The following TMCC1 variants were observed in gnomAD, a reference collection of about 807,000 sequenced individuals.
TMCC1 encodes transmembrane and coiled-coil domains protein 1.
In TMCC1, 15 loss-of-function variants were observed where a neutral mutation model predicts 52.4. The observed-to-expected ratio is 0.29, with a 90% CI of 0.19 to 0.44. The LOEUF (loss-of-function observed/expected upper bound fraction) is 0.44. Ranked by LOEUF, TMCC1 falls within the 20% of genes least tolerant of loss-of-function variation. The pLI, the probability that TMCC1 is intolerant of heterozygous loss-of-function variation, is 1.00. For synonymous variants in TMCC1, 279 were observed against 301.9 expected, an observed-to-expected ratio of 0.92 and a Z score of 0.79; for missense variants, 503 against 806.0, an observed-to-expected ratio of 0.62 and a Z score of 4.55.
In TMCC1 at chr3:129,662,170, G is replaced by A. The variant is rs550287878; in HGVS notation, c.1512-7067C>T. ...AAATAGAACTCTCCAGACACAAATC[G>A]GGGCAGAGGAGATGGTGGGTGGGTG... On this transcript the variant is annotated intron_variant, in intron 5 of 6. Coordinates refer to ENST00000393238, the MANE Select transcript of TMCC1 (RefSeq NM_001017395.5). Among the ~76,000 whole-genome samples, 65 of 152,058 alleles carry A rather than the reference G, an allele frequency of 4.3e-4. No individual in the cohort carries two copies. In the South Asian group the frequency reaches 8.7e-3, roughly 20 times the overall value.
chr3:129,796,111 C>T (rs1366580986), intron 4 of TMCC1, among the ~76,000 whole-genome samples: 1 of 152,108 alleles, frequency 6.6e-6, no homozygotes, highest in Admixed American at 6.6e-5. Flanking sequence ...ACAGTGGTCC[C>T]ATAAGATTAT....
chr3:129,729,657 C>T (rs2050387455), intron 4 of TMCC1, among the ~76,000 whole-genome samples: 1 of 151,604 alleles, frequency 6.6e-6, no homozygotes, highest in Admixed American at 6.6e-5. Context: ...AGAATCCCAT[C>T]GTAAAAAAAT....
intron 4 of TMCC1, among the ~76,000 whole-genome samples, chr3:129,676,183 C>T (rs2088432087): frequency 6.6e-6 from 1 of 152,072 alleles, no homozygotes; most frequent in African/African-American, 2.4e-5. Flanking sequence ...CTTTTTCTGA[C>T]CATATCCTGA....
chr3:129,736,656 G>C (rs2107626006), intron 4 of TMCC1, among the ~76,000 whole-genome samples: 1 of 151,780 alleles, frequency 6.6e-6, no homozygotes, highest in East Asian at 1.9e-4. Flanking sequence ...TGAGTAGCTG[G>C]GATCACAGGC....
chr3:129,756,204 T>C (rs1318062522), intron 4 of TMCC1, among the ~76,000 whole-genome samples: 6 of 152,158 alleles, frequency 3.9e-5, no homozygotes, highest in Admixed American at 6.5e-5. Flanking sequence ...CAAGCTCCTA[T>C]ATATTTATCC....
At chr3:129,846,492 T>C (rs1202229764) in intron 2 of TMCC1, among the ~76,000 whole-genome samples, 11 of 152,174 alleles carry the variant, frequency 7.2e-5, no homozygotes, top group Non-Finnish European at 1.6e-4. Flanking sequence ...TATTCAACAG[T>C]TCTATTCTTA....
At chr3:129,683,274 C>T (rs906505143) in intron 4 of TMCC1, among the ~76,000 whole-genome samples, 1 of 152,214 alleles carries the variant, frequency 6.6e-6, no homozygotes, top group Non-Finnish European at 1.5e-5. Flanking sequence ...CCTTGTACAC[C>T]ACTGGTCTAT....
At chr3:129,668,144 C>G (rs905224095) in intron 5 of TMCC1, among the ~76,000 whole-genome samples, 15 of 152,262 alleles carry the variant, frequency 9.9e-5, no homozygotes, top group Middle Eastern at 6.8e-3. Flanking sequence ...GCCAAGATCG[C>G]ACCACTGCAC....
intron 2 of TMCC1, among the ~76,000 whole-genome samples, chr3:129,875,650 C>T (rs2061165834): frequency 2.6e-5 from 4 of 152,042 alleles, no homozygotes; most frequent in African/African-American, 9.7e-5. Flanking sequence ...ACTGTATCTC[C>T]AACACCTACA....
At chr3:129,807,735 C>T (rs1047526051) in intron 4 of TMCC1, among the ~76,000 whole-genome samples, 2 of 152,148 alleles carry the variant, frequency 1.3e-5, no homozygotes, top group African/African-American at 2.4e-5. Context: ...ACCTAAAATT[C>T]AGTACTCAGC....
At chr3:129,714,279 T>C (rs2048908252) in intron 4 of TMCC1, among the ~76,000 whole-genome samples, 1 of 152,188 alleles carries the variant, frequency 6.6e-6, no homozygotes, top group African/African-American at 2.4e-5. Context: ...TATCAGTGTA[T>C]ATATTTTGCA....
chr3:129,698,263 C>T (rs139354558), intron 4 of TMCC1, among the ~76,000 whole-genome samples: 8 of 152,236 alleles, frequency 5.3e-5, no homozygotes, highest in Non-Finnish European at 8.8e-5. Context: ...TCTTACTTGG[C>T]GGCAGGCAAG....
chr3:129,821,403 A>AGTG (rs1188500980), intron 4 of TMCC1, among the ~76,000 whole-genome samples: 1 of 152,222 alleles, frequency 6.6e-6, no homozygotes, highest in East Asian at 1.9e-4. Flanking sequence ...CATGGAAAGG[A>AGTG]TCTTACATAC....
chr3:129,666,874 G>A (rs1361174138), intron 5 of TMCC1, among the ~76,000 whole-genome samples: 1 of 151,804 alleles, frequency 6.6e-6, no homozygotes, highest in East Asian at 2.0e-4. Flanking sequence ...AGACCAGCAA[G>A]GCAACATAGC....
chr3:129,804,271 T>A (rs914701691), intron 4 of TMCC1, among the ~76,000 whole-genome samples: 14 of 152,228 alleles, frequency 9.2e-5, no homozygotes, highest in African/African-American at 3.4e-4. Flanking sequence ...ACTCGCCTGA[T>A]GGAAAATATA....
intron 4 of TMCC1, among the ~76,000 whole-genome samples, chr3:129,708,027 C>T (rs576538957): frequency 6.6e-6 from 1 of 151,802 alleles, no homozygotes; most frequent in South Asian, 2.1e-4. Flanking sequence ...AAAAAAAAGT[C>T]CTAATTAAAA....
At chr3:129,839,133 G>A (rs1451986879) in intron 2 of TMCC1, among the ~76,000 whole-genome samples, 1 of 152,154 alleles carries the variant, frequency 6.6e-6, no homozygotes, top group African/African-American at 2.4e-5. Flanking sequence ...TCTACAAAAT[G>A]AAGAATAAAT....
chr3:129,879,734 T>C (rs1035053431), intron 2 of TMCC1, among the ~76,000 whole-genome samples: 1 of 152,212 alleles, frequency 6.6e-6, no homozygotes, highest in African/African-American at 2.4e-5. Context: ...ACACCTCCTC[T>C]TGCCAATGAA....
At chr3:129,781,786 C>T (rs560153305) in intron 4 of TMCC1, among the ~76,000 whole-genome samples, 4 of 152,214 alleles carry the variant, frequency 2.6e-5, no homozygotes, top group East Asian at 3.9e-4. Flanking sequence ...TTATTAGTAT[C>T]ACTTTGGCTA....
Sources: gnomAD v4.1 joint callset for allele counts (sites outside exome capture counted in the v4.1 genomes callset) on GRCh38, gnomAD v4.1.1 for gene constraint, MANE v1.5 for transcripts, NCBI Gene and HGNC (gene_info 2026-07-23, HGNC 2026-07-21) for gene names.